The following CYTH3 variants were observed in gnomAD, a reference collection of about 807,000 sequenced individuals.
CYTH3 encodes the protein cytohesin-3.
Under a neutral mutation model 55.1 loss-of-function variants are expected in CYTH3, and 23 were observed. The observed-to-expected ratio is 0.42, with a 90% confidence interval of 0.30 to 0.59. The LOEUF (loss-of-function observed/expected upper bound fraction) is 0.59. CYTH3 is among the 20% of genes least tolerant of loss of function. The pLI is 0.20. For synonymous variants in CYTH3, 249 were observed against 194.9 expected (o/e 1.28, Z -2.31); for missense variants, 413 against 524.8 (o/e 0.79, Z 2.08).
intron 1 of CYTH3, among the ~76,000 whole-genome samples, chr7:6,202,669 G>C (rs1784083367): frequency 6.6e-6 from 1 of 151,990 alleles, no homozygotes; most frequent in Non-Finnish European, 1.5e-5. Flanking sequence ...CTCCATGTTA[G>C]GCTCATCTCA....
intron 1 of CYTH3, among the ~76,000 whole-genome samples, chr7:6,259,743 AATAT>A (rs1262355040): frequency 5.5e-5 from 2 of 36,164 alleles, no homozygotes; most frequent in South Asian, 8.0e-4. Flanking sequence ...ACATATATAT[AATAT>A]ATATATATAT....
chr7:6,181,133 C>A (rs1476434435), intron 4 of CYTH3, among the ~76,000 whole-genome samples: 1 of 152,140 alleles, frequency 6.6e-6, no homozygotes, highest in African/African-American at 2.4e-5. Flanking sequence ...AAAACCTTAG[C>A]TGTTCCTTCC....
intron 1 of CYTH3, among the ~76,000 whole-genome samples, chr7:6,225,327 A>G (rs578152531): frequency 3.1e-4 from 47 of 152,134 alleles, no homozygotes; most frequent in African/African-American, 1.1e-3. Context: ...GTTAAGATAG[A>G]GCCTACATTA....
At chr7:6,176,234 A>G (rs1299187220) in intron 5 of CYTH3, among the ~76,000 whole-genome samples, 4 of 131,118 alleles carry the variant, frequency 3.1e-5, no homozygotes, top group East Asian at 4.7e-4. Flanking sequence ...ACTCATTGCT[A>G]TTGTATAGAA....
intron 1 of CYTH3, among the ~76,000 whole-genome samples, chr7:6,222,099 A>G (rs557043019): frequency 3.3e-5 from 5 of 152,338 alleles, no homozygotes; most frequent in Admixed American, 6.5e-5. Context: ...ATTCCAGGGA[A>G]AAGCAGCAGG....
chr7:6,245,252 T>C (rs956872685), intron 1 of CYTH3, among the ~76,000 whole-genome samples: 3 of 151,858 alleles, frequency 2.0e-5, no homozygotes, highest in Non-Finnish European at 4.4e-5. Flanking sequence ...AGGTTTTGAG[T>C]TGTTTGTAGT....
chr7:6,215,157 G>C (rs748712341), intron 1 of CYTH3, among the ~76,000 whole-genome samples: 8 of 152,164 alleles, frequency 5.3e-5, no homozygotes, highest in Non-Finnish European at 1.2e-4. Context: ...CATGAGAGTT[G>C]ACAAGGAAAA....
At chr7:6,233,297 G>A (rs778919289) in intron 1 of CYTH3, among the ~76,000 whole-genome samples, 1 of 152,164 alleles carries the variant, frequency 6.6e-6, no homozygotes, top group Non-Finnish European at 1.5e-5. Context: ...ACGCCTTCAA[G>A]TCTTTACTAT....
intron 4 of CYTH3, among the ~76,000 whole-genome samples, chr7:6,184,110 G>A (rs942452219): frequency 7.4e-6 from 1 of 135,840 alleles, no homozygotes; most frequent in African/African-American, 2.8e-5. Context: ...GCCCAGGCTG[G>A]AGTGCAGGGG....
At chr7:6,220,844 A>C in intron 1 of CYTH3, among the ~76,000 whole-genome samples, 1 of 152,052 alleles carries the variant, frequency 6.6e-6, no homozygotes, top group East Asian at 1.9e-4. Flanking sequence ...AAAATACAAA[A>C]AATTAGCCAG....
At chr7:6,226,647 G>C (rs1562398249) in intron 1 of CYTH3, among the ~76,000 whole-genome samples, 1 of 152,166 alleles carries the variant, frequency 6.6e-6, no homozygotes, top group Non-Finnish European at 1.5e-5. Context: ...GTGAGTATTT[G>C]TATTCCCAAC....
At chr7:6,255,379 G>A (rs1429294674) in intron 1 of CYTH3, among the ~76,000 whole-genome samples, 1 of 152,118 alleles carries the variant, frequency 6.6e-6, no homozygotes. Context: ...TATCCTCAAT[G>A]GCTGACCTGA....
At position 6,170,511 on chromosome 7, in the gene CYTH3, G is replaced by C; in HGVS notation, c.823+24C>G. 2 of 1,609,550 alleles carry C rather than the reference G, an allele frequency of 1.2e-6. No individual in the cohort carries two copies. The highest frequency in any genetic ancestry group is 1.7e-6 in the Non-Finnish European group (2 of 1,176,812). On this transcript the variant is annotated intron_variant, in intron 9 of 12. Transcript: ENST00000350796. The surrounding 1 kb of genome is among the most constrained non-coding windows in gnomAD (Gnocchi z 7.8). ...GCCATGGGCAGAGGGGTCACGCCCG[G>C]GTCCCGCTGGGCCGGCGGCTCACCC...
chr7:6,186,721 T>C (rs1000080550), intron 4 of CYTH3, among the ~76,000 whole-genome samples: 2 of 152,124 alleles, frequency 1.3e-5, no homozygotes, highest in Non-Finnish European at 2.9e-5. Context: ...AGCGGGAAGA[T>C]GCGAATATGA....
intron 1 of CYTH3, among the ~76,000 whole-genome samples, chr7:6,217,775 C>A (rs1784459887): frequency 6.6e-6 from 1 of 152,106 alleles, no homozygotes; most frequent in Non-Finnish European, 1.5e-5. Context: ...TTGTAGTAGG[C>A]TGAATCATTG....
At chr7:6,221,519 G>A (rs372725006) in intron 1 of CYTH3, among the ~76,000 whole-genome samples, 120 of 152,190 alleles carry the variant, frequency 7.9e-4, no homozygotes, top group African/African-American at 2.5e-3. Flanking sequence ...ATCAATCTAC[G>A]CATGGGTGAT....
intron 4 of CYTH3, 140 bp from the exon 5 acceptor site, chr7:6,178,081 A>C (rs1240170628): frequency 3.2e-6 from 2 of 616,784 alleles, no homozygotes; most frequent in African/African-American, 3.7e-5. Flanking sequence ...ACAACTGCAC[A>C]ATCTGATTTT....
At chr7:6,263,295 C>A (rs1049924279) in intron 1 of CYTH3, among the ~76,000 whole-genome samples, 2 of 152,170 alleles carry the variant, frequency 1.3e-5, no homozygotes, top group Admixed American at 1.3e-4. Flanking sequence ...ACACTGTGTG[C>A]TGATTAGAAT....
chr7:6,197,510 C>T (rs1783962464), intron 1 of CYTH3, among the ~76,000 whole-genome samples: 1 of 152,056 alleles, frequency 6.6e-6, no homozygotes, highest in Admixed American at 6.6e-5. Flanking sequence ...TGATGAAATC[C>T]CGTCTCTACT....
Sources: gnomAD v4.1 joint callset for allele counts (sites outside exome capture counted in the v4.1 genomes callset) on GRCh38, gnomAD v4.1.1 for gene constraint, Gnocchi (gnomAD v3.1) non-coding constraint, MANE v1.5 for transcripts, NCBI Gene and HGNC (gene_info 2026-07-23, HGNC 2026-07-21) for gene names.